ACBD3: variants seen among roughly 807,000 people sequenced by gnomAD.
ACBD3 encodes the protein acyl-CoA binding domain containing 3, also known as Golgi resident protein GCP60.
In ACBD3, 30 loss-of-function variants were observed where a neutral mutation model predicts 66.9. That is an observed-to-expected ratio of 0.45 (90% CI 0.34 to 0.61). The LOEUF is 0.61. Among genes scored for constraint, ACBD3 ranks in the 20% least tolerant of loss-of-function variants. ACBD3 has a pLI of 0.02. For missense variants in ACBD3, 544 were observed against 664.5 expected (o/e 0.82, Z 1.99); for synonymous variants, 278 against 259.8 (o/e 1.07, Z -0.68).
intron 1 of ACBD3, among the ~76,000 whole-genome samples, chr1:226,179,567 T>G (rs544598723): frequency 2.6e-5 from 4 of 152,302 alleles, no homozygotes; most frequent in Admixed American, 6.5e-5. Context: ...TTTAGAAATA[T>G]TAAAACTGGG....
At chr1:226,155,934 C>T (rs756150147) in intron 5 of ACBD3, among the ~76,000 whole-genome samples, 5 of 152,226 alleles carry the variant, frequency 3.3e-5, no homozygotes, top group Admixed American at 1.3e-4. Flanking sequence ...CATCTTAAAT[C>T]CAAAGGACTA....
At position 226,186,496 on chromosome 1, in the gene ACBD3, G is replaced by T. The variant is rs1455487246; in HGVS notation, c.180C>A (p.Pro60=). Residue 60 remains proline, a synonymous_variant, in exon 1 of 8, where the codon CCC becomes CCA. Transcript: ENST00000366812. ...CCGCGCCCCCAGCCGCCGCCTCCCC[G>T]GGCTCGGGCTGCTCCCCTGAGGCGC... is the stretch of plus-strand genomic sequence containing the variant. ...GPGASGEQPE[P]GEAAAGGAAE... The T allele has an allele frequency of 4.7e-6, 7 of 1,478,974 alleles. No individual in the cohort carries two copies. The Admixed American group carries it at 1.4e-4, about 30-fold the overall frequency. 91.6% of individuals were successfully genotyped at this position (1,478,974 alleles called of 1,614,324 possible). A position where few individuals can be genotyped will look rare whatever the true frequency, so the allele number is the denominator to read the frequency against.
chr1:226,180,018 A>T (rs919701352), intron 1 of ACBD3, among the ~76,000 whole-genome samples: 7 of 151,694 alleles, frequency 4.6e-5, no homozygotes, highest in African/African-American at 1.2e-4. Flanking sequence ...TAAAAATACA[A>T]AGATTAGCTG....
intron 3 of ACBD3, among the ~76,000 whole-genome samples, chr1:226,162,463 T>A (rs9699435): frequency 6.6e-6 from 1 of 152,178 alleles, no homozygotes; most frequent in Non-Finnish European, 1.5e-5. Flanking sequence ...GAAATTAAAA[T>A]TTTTTGTAAA....
intron 5 of ACBD3, among the ~76,000 whole-genome samples, chr1:226,158,849 G>C (rs1659720909): frequency 6.6e-6 from 1 of 152,238 alleles, no homozygotes; most frequent in African/African-American, 2.4e-5. Context: ...TGCACTGCCT[G>C]AAGGACATCT....
At chr1:226,157,389 ACCAACATG>A (rs1315756313) in intron 5 of ACBD3, among the ~76,000 whole-genome samples, 1 of 152,044 alleles carries the variant, frequency 6.6e-6, no homozygotes, top group East Asian at 1.9e-4. Flanking sequence ...ACAGATGTGT[ACCAACATG>A]CCAGGCTAAT....
intron 4 of ACBD3, 104 bp from the exon 5 acceptor site, chr1:226,159,462 A>G: frequency 1.9e-6 from 2 of 1,065,526 alleles, no homozygotes; most frequent in Non-Finnish European, 2.7e-6. Flanking sequence ...ACTCTTAAAA[A>G]CAACTAAGCT....
rs1474859968 is a variant in ACBD3, at chr1:226,159,116, A to AT, written c.903+67_903+68insA. The AT allele has an allele frequency of 1.9e-6, 3 of 1,559,414 alleles. No homozygotes were observed. In the African/African-American group the frequency reaches 4.1e-5, roughly 21 times the overall value. On this transcript the variant is annotated intron_variant, in intron 5 of 7. Coordinates refer to ENST00000366812, the MANE Select transcript of ACBD3 (RefSeq NM_022735.4). ...GCAAAATTCATTTGCGACTGTTAAA[A>AT]AAGAACTTGGGTTCCAATGAAACTA...
At chr1:226,170,466 G>C (rs917379568) in intron 1 of ACBD3, among the ~76,000 whole-genome samples, 1 of 151,084 alleles carries the variant, frequency 6.6e-6, no homozygotes. Context: ...GAGCCACCGT[G>C]CTCGGCCTTT....
rs71574561 is a variant in ACBD3 at position 226,145,834 on chromosome 1, CCAAAACAAAA to C, written c.*766_*775del. The C allele has an allele frequency of 5.9e-5, 9 of 151,604 alleles. No homozygotes were observed. The highest frequency in any genetic ancestry group is 1.2e-4 in the Non-Finnish European group (8 of 67,832). The allele number at this position is 151,604 out of a possible 1,614,324, so 9.4% of individuals were successfully genotyped here. On this transcript the variant is annotated 3_prime_UTR_variant, in exon 8 of 8. Transcript: ENST00000366812. Reference sequence around the variant, plus strand: ...TTTCAATTTGAGATACTCTATGAAGCCAAAACAAAACAAAACAAAACAAAAAACCTGTATT... The same window carrying C: ...TTTCAATTTGAGATACTCTATGAAGCCAAAACAAAACAAAAAACCTGTATT...
rs1659438687 is a variant in ACBD3 at position 226,145,851 on chromosome 1, AAAAC to A, written c.*755_*758del. The A allele has an allele frequency of 6.6e-6, 1 of 152,350 alleles. No homozygotes were observed. The highest frequency in any genetic ancestry group is 2.4e-5 in the African/African-American group (1 of 41,450). 9.4% of individuals were successfully genotyped at this position (152,350 alleles called of 1,614,324 possible). ...CTATGAAGCCAAAACAAAACAAAAC[AAAAC>A]AAAAAACCTGTATTTTGCTACTAGT... On this transcript the variant is annotated 3_prime_UTR_variant, in exon 8 of 8. Transcript: ENST00000366812.
intron 1 of ACBD3, among the ~76,000 whole-genome samples, chr1:226,168,812 C>CACT (rs200344824): frequency 4.5e-5 from 4 of 88,414 alleles, no homozygotes; most frequent in African/African-American, 1.9e-4. Flanking sequence ...AGTTTTCTTA[C>CACT]ACTACGTCAC....
At chr1:226,164,649 T>C (rs1006584049) in intron 3 of ACBD3, 140 bp downstream of exon 3, 12 of 1,016,100 alleles carry the variant, frequency 1.2e-5, no homozygotes, top group Non-Finnish European at 1.6e-5. Context: ...CATCAGGAAG[T>C]TTGAACAATT....
At position 226,161,528 on chromosome 1, in the gene ACBD3, T is replaced by A. The variant is rs1659774078; in HGVS notation, c.728+3A>T. 6.2e-7 allele frequency: 1 copy of A among 1,611,002 alleles called. No individual in the cohort carries two copies. On this transcript the variant is annotated splice_donor_region_variant and intron_variant, in intron 4 of 7. Coordinates refer to ENST00000366812, the MANE Select transcript of ACBD3 (RefSeq NM_022735.4). ...TAAAACATAAGCCACATAATAAACT[T>A]ACTTTTGCTGCTCCAACCGAAGCCT...
intron 1 of ACBD3, among the ~76,000 whole-genome samples, chr1:226,173,415 A>G (rs1655909622): frequency 6.6e-6 from 1 of 152,168 alleles, no homozygotes; most frequent in Non-Finnish European, 1.5e-5. Context: ...ACACATACAC[A>G]TTATCTTTTT....
In ACBD3 at chr1:226,159,201, G is replaced by T; in HGVS notation, c.886C>A (p.Gln296Lys). 1 of 1,614,172 alleles carries T rather than the reference G, an allele frequency of 6.2e-7. No homozygotes were observed. Among genetic ancestry groups the T allele is most frequent in the Non-Finnish European group, 8.5e-7 (1 of 1,180,022 alleles). Residue 296 changes from glutamine to lysine, a missense_variant, in exon 5 of 8, where the codon CAG becomes AAG. Physicochemically the swap from Gln to Lys is moderately conservative, Grantham distance 53. This residue lies in a region of ACBD3 where 383 missense variants were observed against 462.4 expected (regional missense o/e 0.83). Transcript: ENST00000366812. ...TATCGTACCTGTTGCTGTGCAAGCT[G>T]GACTTGATACAACTGCTGCATGTAC... ...QQYMQQLYQV[Q>K]LAQQQAALQK... is the part of the protein sequence containing the mutation.
In ACBD3 at chr1:226,177,928, T is replaced by G. The variant is rs990344808; in HGVS notation, c.286+8462A>C. Reference sequence around the variant, plus strand: ...TGGCTAATTTTTGTGGGGTTTTTTTTGCAGAGATGGAGTTTTCCCATATTG... The same window carrying G: ...TGGCTAATTTTTGTGGGGTTTTTTTGGCAGAGATGGAGTTTTCCCATATTG... On this transcript the variant is annotated intron_variant, in intron 1 of 7. Coordinates refer to ENST00000366812, the MANE Select transcript of ACBD3 (RefSeq NM_022735.4). 2.0e-5 allele frequency among the ~76,000 whole-genome samples: 3 copies of G among 151,668 alleles called. 1 individual carries two copies. The highest frequency in any genetic ancestry group is 4.2e-4 in the South Asian group (2 of 4,800).
intron 4 of ACBD3, among the ~76,000 whole-genome samples, chr1:226,160,183 C>T (rs1354839957): frequency 6.6e-6 from 1 of 151,866 alleles, no homozygotes; most frequent in African/African-American, 2.4e-5. Context: ...CCTCCACTTC[C>T]TAGGTTCAAG....
At chr1:226,186,341 G>C (rs1054099601) in intron 1 of ACBD3, 49 bp downstream of exon 1, 1 of 1,467,078 alleles carries the variant, frequency 6.8e-7, no homozygotes, top group African/African-American at 1.5e-5. Flanking sequence ...CCCACGCCGG[G>C]CTCCCGGGGC....
Sources: allele counts gnomAD v4.1 joint callset (sites outside exome capture counted in the v4.1 genomes callset), GRCh38; gene constraint gnomAD v4.1.1; regional missense constraint gnomAD v4.1.1; transcripts MANE v1.5; gene names NCBI Gene and HGNC (gene_info 2026-07-23, HGNC 2026-07-21).